CLNK: variants seen among roughly 807,000 people sequenced by gnomAD.
The protein encoded by CLNK is cytokine dependent hematopoietic cell linker.
Under a neutral mutation model 68.6 loss-of-function variants are expected in CLNK, and 74 were observed. The observed-to-expected ratio is 1.08, with a 90% CI of 0.89 to 1.31. CLNK has a LOEUF of 1.31. Among genes scored for constraint, CLNK ranks in the 50% most tolerant of loss-of-function variants. CLNK has a pLI of 0.00. For missense variants in CLNK, 553 were observed against 515.3 expected, an observed-to-expected ratio of 1.07 and a Z score of -0.71; for synonymous variants, 198 against 172.2, an observed-to-expected ratio of 1.15 and a Z score of -1.17.
At chr4:10,625,354 G>T (rs1178023723) in intron 2 of CLNK, among the ~76,000 whole-genome samples, 1 of 152,228 alleles carries the variant, frequency 6.6e-6, no homozygotes, top group East Asian at 1.9e-4. Context: ...CCACGGGGAG[G>T]TTATTTCAAC....
chr4:10,583,278 T>C (rs574214581), intron 4 of CLNK, among the ~76,000 whole-genome samples: 1 of 152,122 alleles, frequency 6.6e-6, no homozygotes, highest in East Asian at 1.9e-4. Context: ...TCTCTCTCTC[T>C]CTTTTTTTTT....
intron 14 of CLNK, among the ~76,000 whole-genome samples, chr4:10,525,309 C>T (rs1400306023): frequency 6.6e-6 from 1 of 152,174 alleles, no homozygotes; most frequent in Non-Finnish European, 1.5e-5. Flanking sequence ...TCATGATCCA[C>T]CTGCCTCGGC....
chr4:10,710,431 C>A, the CLNK span, among the ~76,000 whole-genome samples: 4 of 152,184 alleles, frequency 2.6e-5, no homozygotes, highest in Non-Finnish European at 5.9e-5. Context: ...ACCAGCCTTT[C>A]TGAGTTTTTG....
In CLNK at chr4:10,510,242, A is replaced by C. The variant is rs1007573258; in HGVS notation, c.907-2206T>G. Among the ~76,000 whole-genome samples, 33 of 152,148 alleles carry C rather than the reference A, an allele frequency of 2.2e-4. 1 individual carries two copies. The highest frequency in any genetic ancestry group is 1.6e-3 in the Admixed American group (25 of 15,258). On this transcript the variant is annotated intron_variant, in intron 16 of 18. Coordinates refer to ENST00000226951, the MANE Select transcript of CLNK (RefSeq NM_052964.4). ...GAATCACTTGCGGGGGGAGGGGGGA[A>C]GTCCCCTTCTAATTCTCTTTCTAGC...
chr4:10,500,764 G>T (rs549129073), intron 18 of CLNK, among the ~76,000 whole-genome samples: 1 of 151,966 alleles, frequency 6.6e-6, no homozygotes, highest in South Asian at 2.1e-4. Context: ...TGTTATTCAC[G>T]AATATTTTAA....
the CLNK span, among the ~76,000 whole-genome samples, chr4:10,723,919 A>ACAGAGAGAG: frequency 4.7e-5 from 7 of 148,010 alleles, no homozygotes; most frequent in South Asian, 4.4e-4. Flanking sequence ...AGAGAGAGAG[A>ACAGAGAGAG]AGGCAGGGCA....
At chr4:10,570,735 A>G (rs1312900330) in intron 5 of CLNK, among the ~76,000 whole-genome samples, 1 of 152,214 alleles carries the variant, frequency 6.6e-6, no homozygotes, top group African/African-American at 2.4e-5. Flanking sequence ...TATGCAAGTG[A>G]AAACTATTTA....
intron 1 of CLNK, among the ~76,000 whole-genome samples, chr4:10,680,436 G>A (rs1429120736): frequency 6.6e-6 from 1 of 151,460 alleles, no homozygotes; most frequent in Non-Finnish European, 1.5e-5. Flanking sequence ...GTTAATGGGT[G>A]CAGCACACCA....
intron 2 of CLNK, among the ~76,000 whole-genome samples, chr4:10,667,432 A>G (rs1298256077): frequency 7.2e-6 from 1 of 138,940 alleles, no homozygotes; most frequent in Non-Finnish European, 1.5e-5. Context: ...TTTTTTAATC[A>G]GGCACAAATT....
intron 18 of CLNK, among the ~76,000 whole-genome samples, chr4:10,492,808 T>G (rs1716637933): frequency 6.6e-6 from 1 of 152,156 alleles, no homozygotes; most frequent in African/African-American, 2.4e-5. Flanking sequence ...TGTTAACTAG[T>G]CCCTGGATCG....
intron 2 of CLNK, among the ~76,000 whole-genome samples, chr4:10,662,309 T>C (rs148252318): frequency 3.5e-4 from 53 of 152,350 alleles, no homozygotes; most frequent in African/African-American, 1.2e-3. Context: ...AAAATACAGG[T>C]TCGCCATGCT....
intron 2 of CLNK, among the ~76,000 whole-genome samples, chr4:10,640,423 C>A (rs1723266907): frequency 6.6e-6 from 1 of 152,226 alleles, no homozygotes; most frequent in Non-Finnish European, 1.5e-5. Context: ...GCATCAGTCT[C>A]CCAGAGTGCT....
intron 2 of CLNK, among the ~76,000 whole-genome samples, chr4:10,639,245 T>A (rs1387197016): frequency 1.3e-5 from 2 of 152,186 alleles, no homozygotes; most frequent in Non-Finnish European, 2.9e-5. Flanking sequence ...TGGCTCTGAG[T>A]CTTTTACCCA....
chr4:10,536,574 G>A lies in CLNK; in HGVS notation c.602+3920C>T, dbSNP rs375694344. On this transcript the variant is annotated intron_variant, in intron 11 of 18. Coordinates refer to ENST00000226951, the MANE Select transcript of CLNK (RefSeq NM_052964.4). ...TTAAGTTACCTAACTTCTCTGAAGC[G>A]TGGTGACCTTAGGTGCCCAGTGAGT... Among the ~76,000 whole-genome samples, 5 of 152,256 alleles carry A rather than the reference G, an allele frequency of 3.3e-5. No homozygotes were observed. The East Asian group carries it at 5.8e-4, about 18-fold the overall frequency.
intron 2 of CLNK, among the ~76,000 whole-genome samples, chr4:10,610,596 C>T (rs1445504381): frequency 2.0e-5 from 3 of 151,864 alleles, no homozygotes; most frequent in Non-Finnish European, 4.4e-5. Flanking sequence ...TTCTCTGTCT[C>T]GACTGTCAAG....
At chr4:10,667,156 A>G (rs534437714) in intron 2 of CLNK, among the ~76,000 whole-genome samples, 28 of 152,296 alleles carry the variant, frequency 1.8e-4, no homozygotes, top group African/African-American at 5.3e-4. Flanking sequence ...GAGTTAAAGT[A>G]GGTCTGGCCT....
chr4:10,507,778 G>A (rs61797525), intron 17 of CLNK, among the ~76,000 whole-genome samples, 181 bp downstream of exon 17: 1 of 152,004 alleles, frequency 6.6e-6, no homozygotes, highest in African/African-American at 2.4e-5. Flanking sequence ...CACTGCGCCC[G>A]GCCTGAAACT....
intron 17 of CLNK, among the ~76,000 whole-genome samples, chr4:10,507,461 TTTATTTATTTATTTA>T (rs1201695755): frequency 3.4e-5 from 5 of 147,502 alleles, no homozygotes; most frequent in Non-Finnish European, 7.5e-5. Flanking sequence ...TATTTATTTA[TTTATTTATTTATTTA>T]TTTTTGAGAC....
intron 2 of CLNK, among the ~76,000 whole-genome samples, chr4:10,640,355 G>A (rs1258797403): frequency 1.3e-5 from 2 of 152,322 alleles, no homozygotes; most frequent in African/African-American, 4.8e-5. Context: ...TGTAGAGGCA[G>A]GGGTTTCGCC....
Sources: allele counts gnomAD v4.1 joint callset (sites outside exome capture counted in the v4.1 genomes callset), GRCh38; gene constraint gnomAD v4.1.1; transcripts MANE v1.5; gene names NCBI Gene and HGNC (gene_info 2026-07-23, HGNC 2026-07-21).